The following MRTFA variants were observed in gnomAD, a reference collection of about 807,000 sequenced individuals.
The protein encoded by MRTFA is myocardin-related transcription factor A.
A neutral mutation model predicts 83.5 loss-of-function variants in MRTFA; 20 were observed. The observed-to-expected ratio is 0.24, with a 90% confidence interval of 0.17 to 0.35. The LOEUF is 0.35. MRTFA is among the 10% of genes least tolerant of loss of function. MRTFA has a pLI of 1.00. For synonymous variants in MRTFA, 659 were observed against 541.2 expected (o/e 1.22, Z -3.02); for missense variants, 1,200 against 1,224.7 (o/e 0.98, Z 0.30).
chr22:40,576,053 G>T (rs2055863593), intron 2 of MRTFA, among the ~76,000 whole-genome samples: 1 of 143,440 alleles, frequency 7.0e-6, no homozygotes, highest in African/African-American at 2.5e-5. Flanking sequence ...TTTTGAGACG[G>T]AGTCTTGTTC....
rs1468083589 is a variant in MRTFA, at chr22:40,411,378, T to G, written c.*12A>C. 1 of 1,541,410 alleles carries G rather than the reference T, an allele frequency of 6.5e-7. No homozygotes were observed. ...TCCCAGCCCCTTCCCCACCCCGTCT[T>G]GAGCCAGAGAGCTACAAGCAGGAAT... On this transcript the variant is annotated 3_prime_UTR_variant, in exon 15 of 15. Coordinates refer to ENST00000355630, the MANE Select transcript of MRTFA (RefSeq NM_020831.6).
chr22:40,474,283 T>C (rs1406115371), intron 3 of MRTFA, among the ~76,000 whole-genome samples: 1 of 152,170 alleles, frequency 6.6e-6, no homozygotes, highest in Non-Finnish European at 1.5e-5. Flanking sequence ...ATCAATATTT[T>C]ACAGAAAAAG....
chr22:40,531,316 T>A (rs1316409804), intron 3 of MRTFA, among the ~76,000 whole-genome samples: 1 of 150,136 alleles, frequency 6.7e-6, no homozygotes, highest in Non-Finnish European at 1.5e-5. Flanking sequence ...CTTGAACTCT[T>A]GGGCTTAAGC....
chr22:40,477,175 C>CAAAAAAA (rs55932110), intron 3 of MRTFA, among the ~76,000 whole-genome samples: 1 of 59,626 alleles, frequency 1.7e-5, no homozygotes, highest in Non-Finnish European at 3.1e-5. Context: ...ACTAAAAATA[C>CAAAAAAA]AAAAAAAAAA....
intron 3 of MRTFA, among the ~76,000 whole-genome samples, chr22:40,519,276 C>T (rs916670756): frequency 3.3e-5 from 5 of 152,054 alleles, no homozygotes; most frequent in Non-Finnish European, 5.9e-5. Context: ...GGGTACATGG[C>T]GTAGAAGGAA....
chr22:40,501,926 C>T, intron 3 of MRTFA, among the ~76,000 whole-genome samples: 2 of 84,276 alleles, frequency 2.4e-5, no homozygotes, highest in African/African-American at 5.4e-5. Flanking sequence ...CCAGTAGGGG[C>T]GGCTGGGCAG....
intron 3 of MRTFA, among the ~76,000 whole-genome samples, chr22:40,485,785 A>G (rs548455260): frequency 6.6e-6 from 1 of 152,274 alleles, no homozygotes; most frequent in East Asian, 1.9e-4. Flanking sequence ...GGAGGTTGCA[A>G]TGATGGTAAA....
At chr22:40,520,783 A>G (rs1437535193) in intron 3 of MRTFA, among the ~76,000 whole-genome samples, 1 of 152,210 alleles carries the variant, frequency 6.6e-6, no homozygotes, top group Non-Finnish European at 1.5e-5. Context: ...GTATGGATAT[A>G]CCATATTTTG....
chr22:40,622,166 G>A (rs923824630), intron 1 of MRTFA, among the ~76,000 whole-genome samples: 2 of 152,166 alleles, frequency 1.3e-5, no homozygotes, highest in Non-Finnish European at 2.9e-5. Context: ...AGGGCTAGGA[G>A]TCTTTGCAGG....
chr22:40,502,783 G>C (rs765804276), intron 3 of MRTFA, among the ~76,000 whole-genome samples: 3 of 151,920 alleles, frequency 2.0e-5, no homozygotes, highest in Non-Finnish European at 2.9e-5. Flanking sequence ...CCGGCGCGGC[G>C]GCAAAGACTG....
intron 10 of MRTFA, 29 bp downstream of exon 10, chr22:40,420,817 AG>A (rs1193588945): frequency 6.2e-7 from 1 of 1,610,910 alleles, no homozygotes; most frequent in East Asian, 2.2e-5. Flanking sequence ...CGGGGAGGGC[AG>A]GGGCAGGCAG....
In MRTFA at chr22:40,416,216, T is replaced by TC. The variant is rs1053070002; in HGVS notation, c.2578+769dup. Among the ~76,000 whole-genome samples the TC allele has an allele frequency of 6.6e-6, 1 of 151,168 alleles. No individual in the cohort carries two copies. The highest frequency in any genetic ancestry group is 1.5e-5 in the Non-Finnish European group (1 of 67,800). On this transcript the variant is annotated intron_variant, in intron 14 of 14. Transcript: ENST00000355630. The surrounding 1 kb of genome is among the most constrained non-coding windows in gnomAD (Gnocchi z 4.2). ...GTCATCCTTGGCTGTTCCTTCCCTC[T>TC]CCCCCCACTTCATCCATAAAGACAC...
At chr22:40,630,141 C>A (rs1247662799) in intron 1 of MRTFA, among the ~76,000 whole-genome samples, 2 of 151,836 alleles carry the variant, frequency 1.3e-5, no homozygotes, top group Admixed American at 1.3e-4. Context: ...ATAGTGAAAC[C>A]CTGCCTCTAC....
intron 10 of MRTFA, 113 bp downstream of exon 10, chr22:40,420,734 C>G (rs2052816505): frequency 5.0e-5 from 77 of 1,553,476 alleles, no homozygotes; most frequent in Non-Finnish European, 6.5e-5. Flanking sequence ...TCTGTAGCAT[C>G]CAGACCAGCG....
chr22:40,476,261 C>T (rs2053995547), intron 3 of MRTFA, among the ~76,000 whole-genome samples: 2 of 152,048 alleles, frequency 1.3e-5, no homozygotes, highest in Admixed American at 6.6e-5. Flanking sequence ...TGGGCCCCTA[C>T]TAATATGCGC....
Position 40,417,407 on chromosome 22 carries a change from G to T in MRTFA, c.2451C>A (p.Pro817=). 6.2e-7 allele frequency: 1 copy of T among 1,611,126 alleles called. No individual in the cohort carries two copies. The highest frequency in any genetic ancestry group is 8.5e-7 in the Non-Finnish European group (1 of 1,179,578). The stretch of plus-strand genomic sequence containing the variant: ...GTGGTTCCTTCTTCAGCAGAGAAGT[G>T]GGGGTCCCAAAGAGGGGCTGCAGTG... Residue 817 remains proline, a synonymous_variant, in exon 13 of 15, where the codon CCC becomes CCA. Coordinates refer to ENST00000355630, the MANE Select transcript of MRTFA (RefSeq NM_020831.6).
chr22:40,414,891 A>G (rs992191883), intron 14 of MRTFA: 1 of 152,206 alleles, frequency 6.6e-6, no homozygotes, highest in Admixed American at 6.5e-5. Flanking sequence ...TAAAAAAAGA[A>G]TTATGCAAAA....
At chr22:40,472,882 C>A (rs750339284) in intron 3 of MRTFA, among the ~76,000 whole-genome samples, 6 of 152,160 alleles carry the variant, frequency 3.9e-5, no homozygotes, top group Non-Finnish European at 8.8e-5. Context: ...GACCCCCAAG[C>A]TCTGGCTAAA....
intron 1 of MRTFA, among the ~76,000 whole-genome samples, chr22:40,596,419 A>G (rs1373311872): frequency 6.6e-6 from 1 of 152,168 alleles, no homozygotes; most frequent in African/African-American, 2.4e-5. Flanking sequence ...CTGAACACCT[A>G]TGAAAAGGCC....
Sources: allele counts gnomAD v4.1 joint callset (sites outside exome capture counted in the v4.1 genomes callset), GRCh38; gene constraint gnomAD v4.1.1; non-coding constraint Gnocchi (gnomAD v3.1); transcripts MANE v1.5; gene names NCBI Gene and HGNC (gene_info 2026-07-23, HGNC 2026-07-21).